PPP2R5E: variants seen among roughly 807,000 people sequenced by gnomAD.
PPP2R5E encodes the protein protein phosphatase 2 regulatory subunit B'epsilon.
In PPP2R5E, 4 loss-of-function variants were observed where a neutral mutation model predicts 65.3. The observed-to-expected ratio is 0.06, with a 90% CI of 0.03 to 0.14. PPP2R5E has a LOEUF of 0.14. Among genes scored for constraint, PPP2R5E ranks in the 10% least tolerant of loss-of-function variants. The pLI is 1.00. For synonymous variants in PPP2R5E, 183 were observed against 187.4 expected, an observed-to-expected ratio of 0.98 and a Z score of 0.19; for missense variants, 274 against 556.1, an observed-to-expected ratio of 0.49 and a Z score of 5.10.
intron 2 of PPP2R5E, among the ~76,000 whole-genome samples, chr14:63,511,884 G>A: frequency 6.6e-6 from 1 of 151,810 alleles, no homozygotes; most frequent in Non-Finnish European, 1.5e-5. Context: ...TTTGAGACCA[G>A]CCTGGCCAAC....
intron 5 of PPP2R5E, among the ~76,000 whole-genome samples, chr14:63,406,056 T>C (rs1886063739): frequency 6.6e-6 from 1 of 152,178 alleles, no homozygotes; most frequent in Admixed American, 6.5e-5. Flanking sequence ...AGTCATACTA[T>C]TCTAGAATAA....
intron 5 of PPP2R5E, among the ~76,000 whole-genome samples, chr14:63,400,566 G>A (rs964815740): frequency 2.0e-5 from 3 of 152,100 alleles, no homozygotes; most frequent in African/African-American, 4.8e-5. Flanking sequence ...ATGTGCCAGC[G>A]ATGGTCCTCA....
Position 63,374,946 on chromosome 14 carries a change from T to G in PPP2R5E, c.*1063A>C, listed in dbSNP as rs1883905300. 6.6e-6 allele frequency: 1 copy of G among 152,412 alleles called. No individual in the cohort carries two copies. Among genetic ancestry groups the G allele is most frequent in the African/African-American group, 2.4e-5 (1 of 41,382 alleles). 9.4% of individuals were successfully genotyped at this position (152,412 alleles called of 1,614,324 possible). A position where few individuals can be genotyped will look rare whatever the true frequency, so the allele number is the denominator to read the frequency against. ...TGTGATGAGATATAGAACGAGAATC[T>G]ACAAAAAACACTGTAACATGTTTGT... On this transcript the variant is annotated 3_prime_UTR_variant, in exon 14 of 14. Coordinates refer to ENST00000337537, the MANE Select transcript of PPP2R5E (RefSeq NM_006246.5).
intron 5 of PPP2R5E, among the ~76,000 whole-genome samples, chr14:63,408,413 G>A (rs774946450): frequency 1.3e-5 from 2 of 151,980 alleles, no homozygotes; most frequent in African/African-American, 2.4e-5. Flanking sequence ...TTATTCATTC[G>A]TTTATTTGGT....
intron 3 of PPP2R5E, among the ~76,000 whole-genome samples, chr14:63,435,306 A>G (rs1469307376): frequency 6.6e-6 from 1 of 152,214 alleles, no homozygotes; most frequent in South Asian, 2.1e-4. Context: ...AGACTGGCCA[A>G]AATGTGGGTA....
At chr14:63,485,896 C>T (rs1315768934) in intron 2 of PPP2R5E, among the ~76,000 whole-genome samples, 1 of 149,472 alleles carries the variant, frequency 6.7e-6, no homozygotes, top group Non-Finnish European at 1.5e-5. Flanking sequence ...GTGGTACGAC[C>T]TCAGCTCACT....
At chr14:63,463,320 T>G (rs1043110286) in intron 2 of PPP2R5E, among the ~76,000 whole-genome samples, 24 of 150,832 alleles carry the variant, frequency 1.6e-4, no homozygotes, top group Admixed American at 1.5e-3. Context: ...TTTGTATCTT[T>G]TAGTAGAGAC....
rs1885751675 is a variant in PPP2R5E, at chr14:63,401,514, T to C, written c.550-4798A>G. On this transcript the variant is annotated intron_variant, in intron 5 of 13. Transcript: ENST00000337537. Reference sequence around the variant, plus strand: ...AACCAGCCTTCTTGAAGCTCACAAATAGGGTTAAACTACATAGTGATTTAG... The same window carrying C: ...AACCAGCCTTCTTGAAGCTCACAAACAGGGTTAAACTACATAGTGATTTAG... Among the ~76,000 whole-genome samples, 4 of 152,144 alleles carry C rather than the reference T, an allele frequency of 2.6e-5. No individual in the cohort carries two copies. The South Asian group carries it at 8.3e-4, about 32-fold the overall frequency.
intron 2 of PPP2R5E, chr14:63,479,428 A>T (rs1282225492): frequency 6.6e-6 from 1 of 152,140 alleles, no homozygotes; most frequent in Non-Finnish European, 1.5e-5. Flanking sequence ...TAAAAAAAAT[A>T]AATAAAGCCA....
At chr14:63,423,581 T>C (rs1358050088) in intron 3 of PPP2R5E, among the ~76,000 whole-genome samples, 2 of 151,650 alleles carry the variant, frequency 1.3e-5, no homozygotes, top group African/African-American at 4.8e-5. Flanking sequence ...GCGTAAAAAG[T>C]GAGAAGGGAA....
At chr14:63,469,528 TAA>T (rs200937297) in intron 2 of PPP2R5E, among the ~76,000 whole-genome samples, 3 of 151,894 alleles carry the variant, frequency 2.0e-5, no homozygotes, top group Admixed American at 6.6e-5. Context: ...CCATCTCTAC[TAA>T]AAAAATACAA....
chr14:63,484,030 G>A (rs1019684787), intron 2 of PPP2R5E, among the ~76,000 whole-genome samples: 2 of 149,388 alleles, frequency 1.3e-5, no homozygotes, highest in African/African-American at 5.0e-5. Context: ...GTTGCAGTAA[G>A]CCGAGATCAC....
chr14:63,374,247 T>C lies in PPP2R5E; in HGVS notation c.*1762A>G, dbSNP rs1290171160. On this transcript the variant is annotated 3_prime_UTR_variant, in exon 14 of 14. Coordinates refer to ENST00000337537, the MANE Select transcript of PPP2R5E (RefSeq NM_006246.5). The stretch of plus-strand genomic sequence containing the variant: ...GAAAGGTCAGCAGCTTCTCTTTCTT[T>C]TTCTTGAAAATAATAAAACTGCGTA... 6.6e-6 allele frequency: 1 copy of C among 152,084 alleles called. No individual in the cohort carries two copies. The highest frequency in any genetic ancestry group is 2.4e-5 in the African/African-American group (1 of 41,418). 9.4% of individuals were successfully genotyped at this position (152,084 alleles called of 1,614,324 possible).
intron 3 of PPP2R5E, among the ~76,000 whole-genome samples, chr14:63,431,730 T>C (rs921545529): frequency 2.6e-5 from 4 of 152,170 alleles, no homozygotes; most frequent in East Asian, 1.9e-4. Flanking sequence ...CTTGTGACAG[T>C]TGTGAGGTTT....
intron 2 of PPP2R5E, among the ~76,000 whole-genome samples, chr14:63,519,479 T>C (rs529335360): frequency 1.4e-3 from 214 of 151,002 alleles, no homozygotes; most frequent in Non-Finnish European, 2.0e-3. Context: ...TAGCTGCGAT[T>C]ACAGGCACAC....
At chr14:63,405,685 A>G (rs1366711569) in intron 5 of PPP2R5E, among the ~76,000 whole-genome samples, 3 of 152,236 alleles carry the variant, frequency 2.0e-5, no homozygotes, top group African/African-American at 7.2e-5. Flanking sequence ...AATCCACCCA[A>G]TGAAATAATC....
chr14:63,506,265 A>G (rs959023394), intron 2 of PPP2R5E, among the ~76,000 whole-genome samples: 1 of 152,056 alleles, frequency 6.6e-6, no homozygotes, highest in Non-Finnish European at 1.5e-5. Flanking sequence ...CCTGGCTAAC[A>G]TGCTGAAACC....
At chr14:63,522,618 C>T (rs931261855) in intron 2 of PPP2R5E, among the ~76,000 whole-genome samples, 1 of 140,002 alleles carries the variant, frequency 7.1e-6, no homozygotes, top group Non-Finnish European at 1.6e-5. Context: ...ATGTGAGGAG[C>T]GCCTCTACCC....
At chr14:63,430,974 T>C (rs1887638119) in intron 3 of PPP2R5E, among the ~76,000 whole-genome samples, 1 of 152,100 alleles carries the variant, frequency 6.6e-6, no homozygotes. Context: ...TATTATAGTA[T>C]AAAGGCATGT....
Sources: gnomAD v4.1 joint callset for allele counts (sites outside exome capture counted in the v4.1 genomes callset) on GRCh38, gnomAD v4.1.1 for gene constraint, MANE v1.5 for transcripts, NCBI Gene and HGNC (gene_info 2026-07-23, HGNC 2026-07-21) for gene names.